The following THBS4 variants were observed in gnomAD, a reference collection of about 807,000 sequenced individuals.
THBS4 encodes thrombospondin-4.
Under a neutral mutation model 115.7 loss-of-function variants are expected in THBS4, and 90 were observed. The ratio of observed to expected loss-of-function variants is 0.78; its 90% confidence interval spans 0.66 to 0.93. The LOEUF (loss-of-function observed/expected upper bound fraction) is 0.93. Ranked by LOEUF, THBS4 falls within the 40% of genes least tolerant of loss-of-function variation. The pLI, the probability that THBS4 is intolerant of heterozygous loss-of-function variation, is 0.00. For missense variants in THBS4, 1,087 were observed against 1,232.7 expected, an observed-to-expected ratio of 0.88 and a Z score of 1.77; for synonymous variants, 460 against 479.3, an observed-to-expected ratio of 0.96 and a Z score of 0.53.
In THBS4 at chr5:80,055,790, C is replaced by G; in HGVS notation, c.298C>G (p.Leu100Val). 1 of 1,612,444 alleles carries G rather than the reference C, an allele frequency of 6.2e-7. No homozygotes were observed. Among genetic ancestry groups the G allele is most frequent in the Admixed American group, 1.7e-5 (1 of 59,958 alleles). ...TVMGRLNKAI[L>V]RYLKNDGKVH... Reference sequence around the variant, plus strand: ...TGACCTGTGCTTGCTTCCAGCCATCCTCCGTTACCTGAAGAACGATGGGAA... The same window carrying G: ...TGACCTGTGCTTGCTTCCAGCCATCGTCCGTTACCTGAAGAACGATGGGAA... Residue 100 changes from leucine (L) to valine (V), a missense_variant, in exon 3 of 22, where the codon CTC (leucine) becomes GTC (valine). Physicochemically the swap from Leu to Val is conservative, Grantham distance 32. Coordinates refer to ENST00000350881, the MANE Select transcript of THBS4 (RefSeq NM_003248.6).
intron 2 of THBS4, among the ~76,000 whole-genome samples, chr5:80,006,400 C>G (rs1832020267): frequency 6.6e-6 from 1 of 152,200 alleles, no homozygotes; most frequent in Non-Finnish European, 1.5e-5. Flanking sequence ...TCGTCATTCT[C>G]TCTTTGCCTG....
chr5:80,058,582 A>G (rs538182863), intron 4 of THBS4, 126 bp from the exon 5 acceptor site: 16 of 830,592 alleles, frequency 1.9e-5, no homozygotes, highest in African/African-American at 1.5e-4. Flanking sequence ...CCCCAAATTA[A>G]ATTCAAAGAT....
chr5:80,077,054 C>A lies in THBS4; in HGVS notation c.2086+6C>A. ...AGCCCAGGAGGATAGCAACAGTAAG[C>A]AGGCTCAGCCCAGAGCTGCACAGCA... On this transcript the variant is annotated splice_donor_region_variant and intron_variant, in intron 16 of 21. Coordinates refer to ENST00000350881, the MANE Select transcript of THBS4 (RefSeq NM_003248.6). The A allele has an allele frequency of 6.3e-7, 1 of 1,593,702 alleles. No homozygotes were observed. Among genetic ancestry groups the A allele is most frequent in the South Asian group, 1.1e-5 (1 of 87,168 alleles).
intron 1 of THBS4, among the ~76,000 whole-genome samples, chr5:80,039,141 A>G (rs2112027626): frequency 6.6e-6 from 1 of 152,336 alleles, no homozygotes; most frequent in East Asian, 1.9e-4. Flanking sequence ...AATTGTCAAT[A>G]TTACCCATTT....
At chr5:80,018,332 T>C (rs1580914456) in intron 2 of THBS4, among the ~76,000 whole-genome samples, 2 of 151,908 alleles carry the variant, frequency 1.3e-5, no homozygotes, top group South Asian at 4.1e-4. Context: ...GTTTAATTCA[T>C]ACATTGATTT....
At chr5:80,033,459 C>A (rs1204168189), upstream of THBS4, among the ~76,000 whole-genome samples, 1 of 152,208 alleles carries the variant, frequency 6.6e-6, no homozygotes. Context: ...AATGTCATGG[C>A]TGGAGGGTGC....
At chr5:80,001,384 C>A (rs1203743714) in intron 2 of THBS4, among the ~76,000 whole-genome samples, 5 of 152,194 alleles carry the variant, frequency 3.3e-5, no homozygotes, top group African/African-American at 1.2e-4. Flanking sequence ...CCCTTTCAAT[C>A]CAACTAATAT....
intron 2 of THBS4, among the ~76,000 whole-genome samples, chr5:80,014,810 A>G (rs149891264): frequency 7.9e-5 from 12 of 152,342 alleles, no homozygotes; most frequent in Admixed American, 7.2e-4. Context: ...CTGTATTTCA[A>G]TGAGAAAGTG....
At chr5:80,079,020 G>A in intron 18 of THBS4, 42 bp from the exon 19 acceptor site, 1 of 1,613,330 alleles carries the variant, frequency 6.2e-7, no homozygotes, top group Non-Finnish European at 8.5e-7. Context: ...CCAGCTACTA[G>A]TGTGGTTTGT....
intron 2 of THBS4, among the ~76,000 whole-genome samples, chr5:80,022,268 T>C (rs1022806940): frequency 6.6e-6 from 1 of 152,216 alleles, no homozygotes; most frequent in South Asian, 2.1e-4. Context: ...GCTCAATAAT[T>C]CATTTAATTT....
At chr5:80,020,165 GA>G (rs1287262256) in intron 2 of THBS4, among the ~76,000 whole-genome samples, 3 of 152,132 alleles carry the variant, frequency 2.0e-5, no homozygotes, top group African/African-American at 7.2e-5. Flanking sequence ...TTCCAAGGCT[GA>G]AAAGCCACCT....
At chr5:80,073,014 T>C (rs889372974) in intron 14 of THBS4, among the ~76,000 whole-genome samples, 1 of 152,196 alleles carries the variant, frequency 6.6e-6, no homozygotes, top group Admixed American at 6.5e-5. Context: ...CCTGCCACCA[T>C]GCTACCCCAG....
chr5:80,005,759 G>A (rs984650114), intron 2 of THBS4, among the ~76,000 whole-genome samples: 4 of 147,542 alleles, frequency 2.7e-5, no homozygotes, highest in African/African-American at 1.0e-4. Context: ...TTTTGTTTGT[G>A]GCATTTTTTT....
chr5:80,055,774 C>A lies in THBS4; in HGVS notation c.293-11C>A. ...TTATCACACCATTGGTTGACCTGTGCTTGCTTCCAGCCATCCTCCGTTACC... is the reference window on the plus strand; with the variant it reads ...TTATCACACCATTGGTTGACCTGTGATTGCTTCCAGCCATCCTCCGTTACC... On this transcript the variant is annotated splice_polypyrimidine_tract_variant and intron_variant, in intron 2 of 21. Transcript: ENST00000350881. The A allele has an allele frequency of 6.2e-7, 1 of 1,608,494 alleles. No individual in the cohort carries two copies. Among genetic ancestry groups the A allele is most frequent in the South Asian group, 1.1e-5 (1 of 90,100 alleles).
chr5:80,003,142 G>T (rs1831939506), intron 2 of THBS4, among the ~76,000 whole-genome samples: 1 of 152,118 alleles, frequency 6.6e-6, no homozygotes, highest in African/African-American at 2.4e-5. Flanking sequence ...ATTATTAAGA[G>T]AGGGATATAG....
intron 2 of THBS4, among the ~76,000 whole-genome samples, chr5:80,040,630 A>G (rs559401009): frequency 6.6e-6 from 1 of 152,364 alleles, no homozygotes; most frequent in Admixed American, 6.5e-5. Context: ...ACAAAATACC[A>G]TAGACTTTGT....
intron 2 of THBS4, among the ~76,000 whole-genome samples, chr5:80,047,694 C>T (rs1019599990): frequency 1.3e-5 from 2 of 148,986 alleles, no homozygotes; most frequent in Non-Finnish European, 3.0e-5. Context: ...AGTGCAATGG[C>T]GCGTCCTCAG....
Position 80,056,041 on chromosome 5 carries a change from C to T in THBS4, c.540+9C>T. On this transcript the variant is annotated intron_variant, in intron 3 of 21. Transcript: ENST00000350881. ...TCCAGAGGAAGCCACAGGTAGGAAC[C>T]CACAAACCATTCTCTGAAGTGGAAA... 5 of 1,587,252 alleles carry T rather than the reference C, an allele frequency of 3.2e-6. No individual in the cohort carries two copies. The highest frequency in any genetic ancestry group is 4.3e-6 in the Non-Finnish European group (5 of 1,163,914).
chr5:79,995,972 TAA>T (rs34667223), intron 1 of THBS4, among the ~76,000 whole-genome samples: 2 of 143,026 alleles, frequency 1.4e-5, no homozygotes, highest in Non-Finnish European at 3.0e-5. Flanking sequence ...CAATCTCTAC[TAA>T]AAAAAAAAAA....
Sources: allele counts gnomAD v4.1 joint callset (sites outside exome capture counted in the v4.1 genomes callset), GRCh38; gene constraint gnomAD v4.1.1; transcripts MANE v1.5; gene names NCBI Gene and HGNC (gene_info 2026-07-23, HGNC 2026-07-21).